SLC25A33: variants seen among roughly 807,000 people sequenced by gnomAD.
SLC25A33 encodes the protein solute carrier family 25 member 33.
Under a neutral mutation model 35.5 loss-of-function variants are expected in SLC25A33, and 15 were observed. The observed-to-expected ratio is 0.42, with a 90% CI of 0.28 to 0.65. SLC25A33 has a LOEUF of 0.65. SLC25A33 is among the 30% of genes least tolerant of loss of function. SLC25A33 has a pLI of 0.20. For missense variants in SLC25A33, 257 were observed against 398.5 expected (o/e 0.64, Z 3.02); for synonymous variants, 136 against 148.7 (o/e 0.91, Z 0.62).
Position 9,584,358 on chromosome 1 carries a change from T to G in SLC25A33, c.*1857T>G, listed in dbSNP as rs1482733926. 6.6e-6 allele frequency: 1 copy of G among 152,206 alleles called. No homozygotes were observed. The highest frequency in any genetic ancestry group is 1.5e-5 in the Non-Finnish European group (1 of 68,034). The allele number at this position is 152,206 out of a possible 1,614,324, so 9.4% of individuals were successfully genotyped here. ...AAATGAGTGACTTTAGTGAAGCTTC[T>G]GTACTTTACAATACATGACAGTAAT... On this transcript the variant is annotated 3_prime_UTR_variant, in exon 7 of 7. Coordinates refer to ENST00000302692, the MANE Select transcript of SLC25A33 (RefSeq NM_032315.3).
rs1643756730 is a variant in SLC25A33, at chr1:9,582,283, C to T, written c.764-16C>T. On this transcript the variant is annotated splice_polypyrimidine_tract_variant and intron_variant, in intron 6 of 6. Coordinates refer to ENST00000302692, the MANE Select transcript of SLC25A33 (RefSeq NM_032315.3). The surrounding 1 kb of genome is among the most constrained non-coding windows in gnomAD (Gnocchi z 4.0). ...ATTTAATATGTGGCGTAAAGTAGGT[C>T]TTTCTCTCTCTGCAGAAGTCATAAG... The T allele has an allele frequency of 1.2e-6, 2 of 1,613,604 alleles. No individual in the cohort carries two copies. Among genetic ancestry groups the T allele is most frequent in the South Asian group, 1.1e-5 (1 of 91,080 alleles).
intron 1 of SLC25A33, among the ~76,000 whole-genome samples, chr1:9,552,466 A>C (rs2100378933): frequency 6.6e-6 from 1 of 152,236 alleles, no homozygotes. Flanking sequence ...TCCTGGCCTC[A>C]AGTAATCCAC....
At chr1:9,567,504 A>C in intron 3 of SLC25A33, 143 bp downstream of exon 3, 1 of 656,160 alleles carries the variant, frequency 1.5e-6, no homozygotes, top group Non-Finnish European at 2.6e-6. Context: ...GCAAATAGTC[A>C]TTGAGAATGC....
intron 2 of SLC25A33, among the ~76,000 whole-genome samples, chr1:9,565,264 C>T (rs936523571): frequency 6.6e-6 from 1 of 152,206 alleles, no homozygotes; most frequent in Non-Finnish European, 1.5e-5. Context: ...CGCCTGTAAT[C>T]CCAGCACTTT....
At chr1:9,575,364 C>A (rs904333165) in intron 5 of SLC25A33, among the ~76,000 whole-genome samples, 3 of 152,064 alleles carry the variant, frequency 2.0e-5, no homozygotes, top group African/African-American at 4.8e-5. Flanking sequence ...TGCCTGTAAT[C>A]CCAGCACTTT....
intron 2 of SLC25A33, among the ~76,000 whole-genome samples, chr1:9,567,009 CAG>C (rs1223702716): frequency 2.6e-5 from 4 of 150,956 alleles, no homozygotes; most frequent in Admixed American, 1.3e-4. Context: ...GCCTGGGCAA[CAG>C]AGCGAGACTC....
At chr1:9,553,563 C>T in intron 1 of SLC25A33, 63 bp from the exon 2 acceptor site, 3 of 1,570,576 alleles carry the variant, frequency 1.9e-6, no homozygotes, top group East Asian at 4.5e-5. Flanking sequence ...AAAAGCTAAG[C>T]TTAGCATTCC....
Position 9,582,255 on chromosome 1 carries a change from C to T in SLC25A33, c.764-44C>T, listed in dbSNP as rs752223700. 1.9e-6 allele frequency: 3 copies of T among 1,601,020 alleles called. No homozygotes were observed. The highest frequency in any genetic ancestry group is 1.7e-5 in the Admixed American group (1 of 59,906). ...AAAGTTGTGTGCTGTGGATTCGTTC[C>T]CCATTTAATATGTGGCGTAAAGTAG... is the stretch of plus-strand genomic sequence containing the variant. On this transcript the variant is annotated intron_variant, in intron 6 of 6. Transcript: ENST00000302692. The surrounding 1 kb of genome is among the most constrained non-coding windows in gnomAD (Gnocchi z 4.0).
At chr1:9,562,599 A>C (rs1299296743) in intron 2 of SLC25A33, among the ~76,000 whole-genome samples, 2 of 152,022 alleles carry the variant, frequency 1.3e-5, no homozygotes, top group African/African-American at 2.4e-5. Flanking sequence ...TCATGCCTGT[A>C]ATCTCAACAC....
chr1:9,554,874 A>T (rs576788978), intron 2 of SLC25A33, among the ~76,000 whole-genome samples: 30 of 152,284 alleles, frequency 2.0e-4, no homozygotes, highest in African/African-American at 6.7e-4. Flanking sequence ...TTCAGAAGAG[A>T]ACTGATTGAA....
At chr1:9,574,536 T>C (rs1043319894) in intron 5 of SLC25A33, among the ~76,000 whole-genome samples, 2 of 152,248 alleles carry the variant, frequency 1.3e-5, no homozygotes, top group African/African-American at 2.4e-5. Flanking sequence ...TTTCAACAAA[T>C]GTAATGTGAC....
intron 1 of SLC25A33, among the ~76,000 whole-genome samples, chr1:9,541,276 C>G (rs1643076485): frequency 6.6e-6 from 1 of 151,880 alleles, no homozygotes. Flanking sequence ...GTCTCAGCCT[C>G]CCGAGTAGCT....
In SLC25A33 at chr1:9,578,272, A is replaced by C. The variant is rs1643691445; in HGVS notation, c.483-1682A>C. ...TGGTTGGATTTGTGTTAGAAAGGTC[A>C]CTGCCGCTAAGGAGCGGGAACAGTC... is the stretch of plus-strand genomic sequence containing the variant. On this transcript the variant is annotated intron_variant, in intron 5 of 6. Coordinates refer to ENST00000302692, the MANE Select transcript of SLC25A33 (RefSeq NM_032315.3). The surrounding 1 kb of genome is among the most constrained non-coding windows in gnomAD (Gnocchi z 4.3). Among the ~76,000 whole-genome samples the C allele has an allele frequency of 6.6e-6, 1 of 152,142 alleles. No homozygotes were observed. Among genetic ancestry groups the C allele is most frequent in the Non-Finnish European group, 1.5e-5 (1 of 68,032 alleles).
chr1:9,539,764 A>C lies in SLC25A33; in HGVS notation c.56+17A>C, dbSNP rs148840119. 7.3e-7 allele frequency: 1 copy of C among 1,364,682 alleles called. No homozygotes were observed. The highest frequency in any genetic ancestry group is 9.5e-7 in the Non-Finnish European group (1 of 1,057,250). 84.5% of individuals were successfully genotyped at this position (1,364,682 alleles called of 1,614,324 possible). A position where few individuals can be genotyped will look rare whatever the true frequency, so the allele number is the denominator to read the frequency against. On this transcript the variant is annotated intron_variant, in intron 1 of 6. Coordinates refer to ENST00000302692, the MANE Select transcript of SLC25A33 (RefSeq NM_032315.3). ...CGCCGGCGGGTGAGTTCCCGGGCCC[A>C]GCCGCGCGCGCCCCACCGCCTGCGG... is the stretch of plus-strand genomic sequence containing the variant.
chr1:9,567,530 T>C (rs776307626), intron 3 of SLC25A33, among the ~76,000 whole-genome samples, 169 bp downstream of exon 3: 24 of 152,244 alleles, frequency 1.6e-4, no homozygotes, highest in Non-Finnish European at 3.2e-4. Flanking sequence ...GTGTCTTCAG[T>C]GTGTGAAAGA....
chr1:9,541,204 A>G (rs1304165022), intron 1 of SLC25A33, among the ~76,000 whole-genome samples: 20 of 138,840 alleles, frequency 1.4e-4, no homozygotes, highest in African/African-American at 4.4e-4. Context: ...CCCAGGCTGG[A>G]GTGCACTGGC....
chr1:9,548,865 T>C (rs1643217655), intron 1 of SLC25A33, among the ~76,000 whole-genome samples: 1 of 152,200 alleles, frequency 6.6e-6, no homozygotes, highest in Non-Finnish European at 1.5e-5. Context: ...AGGATCCTAG[T>C]CTAAGACTTA....
In SLC25A33 at chr1:9,570,781, C is replaced by T. The variant is rs535538209; in HGVS notation, c.415+423C>T. ...GGACTGGAGTGCAGTGGTGCAATCTCGGCTCACTGCAGCCTCCTCCTCCCA... is the reference window on the plus strand; with the variant it reads ...GGACTGGAGTGCAGTGGTGCAATCTTGGCTCACTGCAGCCTCCTCCTCCCA... On this transcript the variant is annotated intron_variant, in intron 4 of 6. Coordinates refer to ENST00000302692, the MANE Select transcript of SLC25A33 (RefSeq NM_032315.3). 6.9e-5 allele frequency among the ~76,000 whole-genome samples: 10 copies of T among 144,410 alleles called. No homozygotes were observed. In the South Asian group the frequency reaches 2.0e-3, roughly 29 times the overall value. 94.7% of individuals were successfully genotyped at this position (144,410 alleles called of 152,430 possible).
intron 4 of SLC25A33, among the ~76,000 whole-genome samples, chr1:9,571,933 G>A (rs987793355): frequency 2.0e-5 from 3 of 152,098 alleles, no homozygotes; most frequent in Non-Finnish European, 2.9e-5. Flanking sequence ...AAGCCACCAC[G>A]CCGAGCCTAG....
Sources: allele counts gnomAD v4.1 joint callset (sites outside exome capture counted in the v4.1 genomes callset), GRCh38; gene constraint gnomAD v4.1.1; non-coding constraint Gnocchi (gnomAD v3.1); transcripts MANE v1.5; gene names NCBI Gene and HGNC (gene_info 2026-07-23, HGNC 2026-07-21).